The following RHOT2 variants were observed in gnomAD, a reference collection of about 807,000 sequenced individuals.
The protein encoded by RHOT2 is ras homolog family member T2.
A neutral mutation model predicts 81.6 loss-of-function variants in RHOT2; 90 were observed. The observed-to-expected ratio is 1.10, with a 90% CI of 0.93 to 1.31. The LOEUF (loss-of-function observed/expected upper bound fraction) is 1.31. Ranked by LOEUF, RHOT2 falls within the 40% of genes most tolerant of loss-of-function variation. The probability of loss-of-function intolerance (pLI) is 0.00; values close to 1 mark genes in which losing one functional copy is unlikely to be tolerated. For missense variants in RHOT2, 1,014 were observed against 841.9 expected (o/e 1.20, Z -2.53); for synonymous variants, 512 against 370.9 (o/e 1.38, Z -4.37).
intron 14 of RHOT2, 35 bp from the exon 15 acceptor site, chr16:672,219 C>T (rs781170735): frequency 7.4e-5 from 120 of 1,611,916 alleles, no homozygotes; most frequent in Non-Finnish European, 3.0e-5. Context: ...GCCCAGTATC[C>T]TGGCAGCTGC....
At chr16:669,475 G>A (rs1348227299) in intron 4 of RHOT2, 78 bp from the exon 5 acceptor site, 29 of 1,473,748 alleles carry the variant, frequency 2.0e-5, no homozygotes, top group East Asian at 4.6e-5. Context: ...CTGGAGCCTC[G>A]AGATGGCGTG....
intron 5 of RHOT2, 145 bp from the exon 6 acceptor site, chr16:669,978 A>G: frequency 1.4e-6 from 1 of 716,596 alleles, no homozygotes; most frequent in Non-Finnish European, 2.3e-6. Flanking sequence ...GCCTTCTCCC[A>G]CCAGCTTTGT....
rs759310333 is a variant in RHOT2 at position 673,720 on chromosome 16, C to T, written c.*114C>T. ...GGCTGCCACTCCGGGAACGCCTTTG[C>T]GCCGGGACTTTTTGTTTCTGAAGGC... On this transcript the variant is annotated 3_prime_UTR_variant, in exon 19 of 19. Coordinates refer to ENST00000315082, the MANE Select transcript of RHOT2 (RefSeq NM_138769.3). 2.3e-5 allele frequency: 31 copies of T among 1,341,206 alleles called. No individual in the cohort carries two copies. Among genetic ancestry groups the T allele is most frequent in the Non-Finnish European group, 2.6e-5 (26 of 983,370 alleles). 83.1% of individuals were successfully genotyped at this position (1,341,206 alleles called of 1,614,324 possible).
Position 668,365 on chromosome 16 carries a change from A to G in RHOT2, c.50A>G (p.Lys17Arg), listed in dbSNP as rs2038273443. The change falls in exon 2 of 19, where the codon AAG (lysine) becomes AGG (arginine). Residue 17 changes from lysine to arginine, a missense_variant. Lys to Arg is a conservative substitution (Grantham distance 26). Transcript: ENST00000315082. ...TCGCCCCGCGCAGCCCAGGTGGGGA[A>G]GACGTCGCTGATCCTGTCCCTGGTG... ...ILLLGEAQVG[K>R]TSLILSLVGE... 1 of 1,426,816 alleles carries G rather than the reference A, an allele frequency of 7.0e-7. No individual in the cohort carries two copies. The highest frequency in any genetic ancestry group is 9.1e-7 in the Non-Finnish European group (1 of 1,097,722). 88.4% of individuals were successfully genotyped at this position (1,426,816 alleles called of 1,614,324 possible). A position where few individuals can be genotyped will look rare whatever the true frequency, so the allele number is the denominator to read the frequency against.
In RHOT2 at chr16:670,874, A is replaced by C; in HGVS notation, c.640-18A>C. ...CCGGGTGGCTGGCTGACTCCCAACA[A>C]CGTTCTCTCGGAAGCAGAAATCCTG... On this transcript the variant is annotated intron_variant, in intron 9 of 18. Transcript: ENST00000315082. 3.8e-6 allele frequency: 6 copies of C among 1,583,220 alleles called. No homozygotes were observed. Among genetic ancestry groups the C allele is most frequent in the Non-Finnish European group, 4.3e-6 (5 of 1,160,470 alleles).
In RHOT2 at chr16:673,669, G is replaced by T; in HGVS notation, c.*63G>T. The T allele has an allele frequency of 6.4e-7, 1 of 1,554,616 alleles. No individual in the cohort carries two copies. The highest frequency in any genetic ancestry group is 8.7e-7 in the Non-Finnish European group (1 of 1,152,848). On this transcript the variant is annotated 3_prime_UTR_variant, in exon 19 of 19. Coordinates refer to ENST00000315082, the MANE Select transcript of RHOT2 (RefSeq NM_138769.3). Reference sequence around the variant, plus strand: ...GTGCCTCGCTGCTGGGGCTCTGCAGGGGCAGCACAGCTGGGGTGCAGGCCA... The same window carrying T: ...GTGCCTCGCTGCTGGGGCTCTGCAGTGGCAGCACAGCTGGGGTGCAGGCCA...
chr16:671,836 A>T, intron 12 of RHOT2, 24 bp from the exon 13 acceptor site: 1 of 1,257,770 alleles, frequency 8.0e-7, no homozygotes, highest in Non-Finnish European at 1.1e-6. Flanking sequence ...CGGCACACAC[A>T]TCACCACATC....
chr16:668,785 C>T (rs890088372), intron 4 of RHOT2, 86 bp downstream of exon 4: 1 of 1,384,410 alleles, frequency 7.2e-7, no homozygotes, highest in South Asian at 1.3e-5. Context: ...GACCGAGGTG[C>T]TCCGGGTGTC....
Position 671,939 on chromosome 16 carries a change from T to TC in RHOT2, c.1037dup (p.Arg347ThrfsTer44). On this transcript the variant is annotated frameshift_variant, in exon 13 of 19. Coordinates refer to ENST00000315082, the MANE Select transcript of RHOT2 (RefSeq NM_138769.3). LOFTEE classifies it high-confidence loss of function. ...CCAGCAGCGCCCTGGGGCCCCGAGC[T>TC]CCCACGCACAGTCCGCACAGAGGCC... 1 of 1,611,724 alleles carries TC rather than the reference T, an allele frequency of 6.2e-7. No individual in the cohort carries two copies. Among genetic ancestry groups the TC allele is most frequent in the Non-Finnish European group, 8.5e-7 (1 of 1,179,784 alleles).
rs768678951 is a variant in RHOT2 at position 670,896 on chromosome 16, C to T, written c.644C>T (p.Ser215Phe). Residue 215 changes from serine to phenylalanine, a missense_variant, in exon 10 of 19, where the codon TCC becomes TTC. Coordinates refer to ENST00000315082, the MANE Select transcript of RHOT2 (RefSeq NM_138769.3). ...SDEELNAFQK[S>F]CFGHPLAPQA... is the part of the protein sequence containing the mutation. ...ACAACGTTCTCTCGGAAGCAGAAAT[C>T]CTGCTTTGGGCACCCCCTGGCCCCG... 6.3e-7 allele frequency: 1 copy of T among 1,575,762 alleles called. No individual in the cohort carries two copies. The highest frequency in any genetic ancestry group is 8.6e-7 in the Non-Finnish European group (1 of 1,156,660).
Position 670,717 on chromosome 16 carries a change from C to T in RHOT2, c.583C>T (p.Leu195Phe), listed in dbSNP as rs756855871. ...CAQALTRIFRLSDQDLDQALS... is the reference protein window; with the variant it reads ...CAQALTRIFRFSDQDLDQALS... ...CCAGGCGCTGACGCGCATCTTCAGG[C>T]TCTCAGATCAGGACCTGGACCAGGC... The change falls in exon 9 of 19, where the codon CTC becomes TTC. Residue 195 changes from leucine to phenylalanine, a missense_variant. Physicochemically the swap from Leu to Phe is conservative, Grantham distance 22 (BLOSUM62 0). Coordinates refer to ENST00000315082, the MANE Select transcript of RHOT2 (RefSeq NM_138769.3). 5 of 1,612,462 alleles carry T rather than the reference C, an allele frequency of 3.1e-6. No individual in the cohort carries two copies. Among genetic ancestry groups the T allele is most frequent in the Non-Finnish European group, 3.4e-6 (4 of 1,179,930 alleles).
chr16:669,862 A>C, intron 5 of RHOT2: 1 of 610,760 alleles, frequency 1.6e-6, no homozygotes, highest in Non-Finnish European at 2.9e-6. Flanking sequence ...CCGGGGGGGG[A>C]CCCGCAGAGG....
rs1438397744 is a variant in RHOT2 at position 668,143 on chromosome 16, C to G, written c.-57C>G. On this transcript the variant is annotated 5_prime_UTR_variant, in exon 1 of 19. Coordinates refer to ENST00000315082, the MANE Select transcript of RHOT2 (RefSeq NM_138769.3). ...GCGGGCGCGGGGGCAGAGCGAAAGGCTTGAGGACCAGGTCGGGGCCGGGTT... is the reference window on the plus strand; with the variant it reads ...GCGGGCGCGGGGGCAGAGCGAAAGGGTTGAGGACCAGGTCGGGGCCGGGTT... The G allele has an allele frequency of 4.4e-5, 19 of 432,928 alleles. No individual in the cohort carries two copies. Among genetic ancestry groups the G allele is most frequent in the Non-Finnish European group, 6.9e-5 (17 of 247,498 alleles). 26.8% of individuals were successfully genotyped at this position (432,928 alleles called of 1,614,324 possible).
rs2038239652 is a variant in RHOT2 at position 668,248 on chromosome 16, C to G, written c.37+12C>G. 1.3e-6 allele frequency: 1 copy of G among 772,498 alleles called. No homozygotes were observed. The allele number at this position is 772,498 out of a possible 1,614,324, so 47.9% of individuals were successfully genotyped here. A position where few individuals can be genotyped will look rare whatever the true frequency, so the allele number is the denominator to read the frequency against. ...GTTACTGGGCGAGGGTAGGCGCCGG[C>G]CCGGGGGTCTCGGAGCTGCGGCGGC... On this transcript the variant is annotated intron_variant, in intron 1 of 18. Transcript: ENST00000315082.
intron 4 of RHOT2, 126 bp downstream of exon 4, chr16:668,825 A>C (rs1461982305): frequency 1.9e-6 from 2 of 1,059,332 alleles, no homozygotes; most frequent in South Asian, 1.6e-5. Flanking sequence ...TGACCTCCGC[A>C]CTGAGGGTTG....
intron 10 of RHOT2, 41 bp downstream of exon 10, chr16:671,041 G>A (rs779165610): frequency 1.9e-6 from 3 of 1,607,632 alleles, no homozygotes; most frequent in Non-Finnish European, 2.5e-6. Context: ...AGTGTGGGGA[G>A]GGGGCTGTGC....
At position 670,753 on chromosome 16, in the gene RHOT2, G is replaced by A. The variant is rs202033731; in HGVS notation, c.619G>A (p.Glu207Lys). ...DQDLDQALSD[E>K]ELNAFQKSCF... ...GGACCTGGACCAGGCGCTCAGTGAC[G>A]AAGAGCTCAACGCTTTCCAGGTGTG... The change falls in exon 9 of 19, where the codon GAA (glutamate) becomes AAA (lysine). Residue 207 changes from glutamate (E) to lysine (K), a missense_variant. Coordinates refer to ENST00000315082, the MANE Select transcript of RHOT2 (RefSeq NM_138769.3). The A allele has an allele frequency of 3.4e-5, 55 of 1,612,150 alleles. No homozygotes were observed. Among genetic ancestry groups the A allele is most frequent in the East Asian group, 1.3e-4 (6 of 44,874 alleles).
At position 671,931 on chromosome 16, in the gene RHOT2, C is replaced by A. The variant is rs770688422; in HGVS notation, c.1026C>A (p.Gly342=). The change falls in exon 13 of 19, where the codon GGC becomes GGA. Residue 342 remains glycine, a synonymous_variant. Coordinates refer to ENST00000315082, the MANE Select transcript of RHOT2 (RefSeq NM_138769.3). ...LFSVFPAAPW[G]PELPRTVRTE... is the part of the protein sequence containing the mutation. ...GTGTGTTCCCAGCAGCGCCCTGGGG[C>A]CCCGAGCTCCCACGCACAGTCCGCA... 1.2e-6 allele frequency: 2 copies of A among 1,612,252 alleles called. No individual in the cohort carries two copies. Among genetic ancestry groups the A allele is most frequent in the South Asian group, 1.1e-5 (1 of 91,068 alleles).
rs201462912 is a variant in RHOT2 at position 671,102 on chromosome 16, G to A, written c.768G>A (p.Thr256=). ...GTGCAGGTTTCCTCTTCCTGAACACGCTCTTCATCCAGCGCGGCCGGCACG... is the reference window on the plus strand; with the variant it reads ...GTGCAGGTTTCCTCTTCCTGAACACACTCTTCATCCAGCGCGGCCGGCACG... The part of the protein sequence containing the change: ...LTLDGFLFLN[T]LFIQRGRHET... The change falls in exon 11 of 19, where the codon ACG becomes ACA. Residue 256 remains threonine (T), a synonymous_variant. Coordinates refer to ENST00000315082, the MANE Select transcript of RHOT2 (RefSeq NM_138769.3). 2.5e-6 allele frequency: 4 copies of A among 1,609,132 alleles called. No homozygotes were observed. Among genetic ancestry groups the A allele is most frequent in the African/African-American group, 1.3e-5 (1 of 74,990 alleles).
Sources: allele counts gnomAD v4.1 joint callset, GRCh38; gene constraint gnomAD v4.1.1; transcripts MANE v1.5; gene names NCBI Gene and HGNC (gene_info 2026-07-23, HGNC 2026-07-21).